Variants in PHF21A observed in about 807,000 individuals in gnomAD.
The protein encoded by PHF21A is BHC80a.
In PHF21A, 11 loss-of-function variants were observed where a neutral mutation model predicts 82.5. The ratio of observed to expected loss-of-function variants is 0.13; its 90% CI spans 0.08 to 0.22. The LOEUF (loss-of-function observed/expected upper bound fraction) is 0.22, where lower values mean the gene tolerates loss of function less well. Among genes scored for constraint, PHF21A ranks in the 10% least tolerant of loss-of-function variants. The pLI is 1.00. For missense variants in PHF21A, 579 were observed against 837.8 expected (o/e 0.69, Z 3.81); for synonymous variants, 297 against 302.8 (o/e 0.98, Z 0.20).
At chr11:46,033,505 C>G (rs2095912202) in intron 6 of PHF21A, among the ~76,000 whole-genome samples, 1 of 152,178 alleles carries the variant, frequency 6.6e-6, no homozygotes, top group African/African-American at 2.4e-5. Flanking sequence ...CTCAAGCAAT[C>G]CACCGGCCTC....
chr11:46,086,280 G>A (rs971739614), intron 3 of PHF21A, among the ~76,000 whole-genome samples: 3 of 151,952 alleles, frequency 2.0e-5, no homozygotes, highest in Admixed American at 1.3e-4. Flanking sequence ...CACTACACCC[G>A]GCTAATTTTT....
At chr11:45,938,952 G>A (rs994593726) in intron 15 of PHF21A, among the ~76,000 whole-genome samples, 2 of 151,912 alleles carry the variant, frequency 1.3e-5, no homozygotes, top group African/African-American at 4.8e-5. Flanking sequence ...TCCTGCCTCA[G>A]CCTCCAGAGT....
chr11:45,979,078 G>GGCCTAGT (rs2094170819), intron 7 of PHF21A, among the ~76,000 whole-genome samples: 1 of 151,380 alleles, frequency 6.6e-6, no homozygotes, highest in Non-Finnish European at 1.5e-5. Context: ...GTGCAGTGGT[G>GGCCTAGT]TGATCTCAGC....
In PHF21A at chr11:45,931,706, A is replaced by C. The variant is rs1370044003; in HGVS notation, c.*2262T>G. 2 of 152,256 alleles carry C rather than the reference A, an allele frequency of 1.3e-5. No individual in the cohort carries two copies. The highest frequency in any genetic ancestry group is 4.8e-5 in the African/African-American group (2 of 41,430). 9.4% of individuals were successfully genotyped at this position (152,256 alleles called of 1,614,324 possible). A position where few individuals can be genotyped will look rare whatever the true frequency, so the allele number is the denominator to read the frequency against. On this transcript the variant is annotated 3_prime_UTR_variant, in exon 19 of 19. Coordinates refer to ENST00000676320, the MANE Select transcript of PHF21A (RefSeq NM_001352027.3). Reference sequence around the variant, plus strand: ...CCTCTCCTAGACTCTGGCCATTCCCAGGGCCTGGAGTGGGCTTGGGGGAGA... The same window carrying C: ...CCTCTCCTAGACTCTGGCCATTCCCCGGGCCTGGAGTGGGCTTGGGGGAGA...
At chr11:46,028,539 C>T (rs1211119153) in intron 6 of PHF21A, among the ~76,000 whole-genome samples, 1 of 145,866 alleles carries the variant, frequency 6.9e-6, no homozygotes, top group Middle Eastern at 3.3e-3. Flanking sequence ...AGTTTACATG[C>T]TAAAATATTA....
Position 45,931,461 on chromosome 11 carries a change from C to T in PHF21A, c.*2507G>A, listed in dbSNP as rs1252921374. 6.6e-6 allele frequency: 1 copy of T among 152,212 alleles called. No individual in the cohort carries two copies. Among genetic ancestry groups the T allele is most frequent in the Non-Finnish European group, 1.5e-5 (1 of 68,064 alleles). 9.4% of individuals were successfully genotyped at this position (152,212 alleles called of 1,614,324 possible). On this transcript the variant is annotated 3_prime_UTR_variant, in exon 19 of 19. Transcript: ENST00000676320. ...TGAATGAGAAAAGGGAACTCTTTCC[C>T]CCTCAGCCAATCAAGCAGCCAGGGC...
intron 6 of PHF21A, among the ~76,000 whole-genome samples, chr11:46,024,095 G>A (rs188499257): frequency 3.3e-4 from 51 of 152,330 alleles, no homozygotes; most frequent in Admixed American, 2.9e-3. Context: ...CAAGGAAAGG[G>A]CAAGGTGGTG....
At chr11:45,987,198 A>C (rs1170084040) in intron 6 of PHF21A, among the ~76,000 whole-genome samples, 2 of 151,818 alleles carry the variant, frequency 1.3e-5, no homozygotes, top group Non-Finnish European at 2.9e-5. Context: ...GTGAGCTATA[A>C]TCATGCCACT....
At chr11:46,060,870 C>T (rs150395204) in intron 6 of PHF21A, among the ~76,000 whole-genome samples, 97 of 152,290 alleles carry the variant, frequency 6.4e-4, no homozygotes, top group African/African-American at 7.5e-4. Flanking sequence ...GCACCTTCAT[C>T]GTGAAATCTG....
At chr11:46,032,822 A>T (rs1329305667) in intron 6 of PHF21A, among the ~76,000 whole-genome samples, 1 of 152,174 alleles carries the variant, frequency 6.6e-6, no homozygotes, top group Non-Finnish European at 1.5e-5. Flanking sequence ...CTTCATATTT[A>T]TTGGCCATTA....
chr11:46,028,379 C>T (rs755645837), intron 6 of PHF21A, among the ~76,000 whole-genome samples: 1 of 152,046 alleles, frequency 6.6e-6, no homozygotes, highest in Non-Finnish European at 1.5e-5. Context: ...GCAATTCTCA[C>T]TTTGCTGAAC....
In PHF21A at chr11:45,974,418, AATTATTATT is replaced by A. The variant is rs59807950; in HGVS notation, c.361-3060_361-3052del. 9.4e-3 allele frequency among the ~76,000 whole-genome samples: 1,388 copies of A among 147,162 alleles called. 20 individuals carry two copies. The highest frequency in any genetic ancestry group is 0.031 in the African/African-American group (1,237 of 40,024). On this transcript the variant is annotated intron_variant, in intron 7 of 18. Coordinates refer to ENST00000676320, the MANE Select transcript of PHF21A (RefSeq NM_001352027.3). ...TAGAGAAGAAAGGTGTCAAACGACA[AATTATTATT>A]ATTATTATTATTATTATTATTATTA...
intron 1 of PHF21A, chr11:46,118,053 G>A (rs1321849340): frequency 2.0e-5 from 3 of 152,180 alleles, no homozygotes; most frequent in Admixed American, 1.3e-4. Flanking sequence ...CTGCTGGATA[G>A]CATTTAGAGA....
chr11:46,038,733 T>C (rs967128807), intron 6 of PHF21A, among the ~76,000 whole-genome samples: 3 of 152,156 alleles, frequency 2.0e-5, no homozygotes, highest in African/African-American at 7.2e-5. Flanking sequence ...CATGCTAGCA[T>C]ACTTGCTCAG....
At chr11:46,064,123 A>AT (rs1382452775) in intron 6 of PHF21A, among the ~76,000 whole-genome samples, 2 of 152,170 alleles carry the variant, frequency 1.3e-5, no homozygotes, top group Non-Finnish European at 2.9e-5. Context: ...GGAGTTGTTA[A>AT]TTTTTTCCCC....
At chr11:46,110,885 A>C (rs2097205189) in intron 1 of PHF21A, among the ~76,000 whole-genome samples, 1 of 151,438 alleles carries the variant, frequency 6.6e-6, no homozygotes, top group Non-Finnish European at 1.5e-5. Context: ...TTCTGGGTTC[A>C]AGCGATTCTC....
At chr11:46,087,307 CAA>C (rs1029521977) in intron 3 of PHF21A, among the ~76,000 whole-genome samples, 1 of 152,130 alleles carries the variant, frequency 6.6e-6, no homozygotes, top group Non-Finnish European at 1.5e-5. Flanking sequence ...CTGTAAATGT[CAA>C]AGAGTGCCTC....
At position 46,012,525 on chromosome 11, in the gene PHF21A, C is replaced by T. The variant is rs190750234; in HGVS notation, c.154-32559G>A. ...CCTCATCACTAGCTATTTGGTCTTA[C>T]GCAAGTTAACTCACGACAGTCTCTG... On this transcript the variant is annotated intron_variant, in intron 6 of 18. Transcript: ENST00000676320. Among the ~76,000 whole-genome samples, 201 of 152,286 alleles carry T rather than the reference C, an allele frequency of 1.3e-3. 1 individual carries two copies. The highest frequency in any genetic ancestry group is 2.0e-3 in the Non-Finnish European group (136 of 68,026).
chr11:46,110,610 CT>C lies in PHF21A; in HGVS notation c.-237+10324del, dbSNP rs571843164. Among the ~76,000 whole-genome samples the C allele has an allele frequency of 8.5e-5, 13 of 152,162 alleles. No individual in the cohort carries two copies. The East Asian group carries it at 2.1e-3, about 25-fold the overall frequency. ...ACTATTTTTCTCCTTATATTTAGCC[CT>C]TTGTATTAACTCCTTTGTAACTGCT... On this transcript the variant is annotated intron_variant, in intron 1 of 18. Transcript: ENST00000676320.
Sources: allele counts gnomAD v4.1 joint callset (sites outside exome capture counted in the v4.1 genomes callset), GRCh38; gene constraint gnomAD v4.1.1; transcripts MANE v1.5; gene names NCBI Gene and HGNC (gene_info 2026-07-23, HGNC 2026-07-21).